Variants in LRPPRC observed in about 807,000 individuals in gnomAD.
LRPPRC encodes the protein leucine-rich PPR motif-containing protein, mitochondrial.
LRPPRC carries 120 observed loss-of-function variants against 180.3 expected under a neutral mutation model. That is an observed-to-expected ratio of 0.67 (90% CI 0.57 to 0.77). LRPPRC has a LOEUF of 0.77. Ranked by LOEUF, LRPPRC falls within the 30% of genes least tolerant of loss-of-function variation. LRPPRC has a pLI of 0.00. For missense variants in LRPPRC, 2,012 were observed against 1,657.2 expected (o/e 1.21, Z -3.72); for synonymous variants, 723 against 600.0 (o/e 1.21, Z -3.00).
chr2:43,981,954 C>A (rs1674327350), intron 2 of LRPPRC, among the ~76,000 whole-genome samples: 1 of 152,066 alleles, frequency 6.6e-6, no homozygotes, highest in Non-Finnish European at 1.5e-5. Context: ...GTCGCCCAGG[C>A]TGGAGTGCAG....
At position 43,979,926 on chromosome 2, in the gene LRPPRC, GGCATGACTA is replaced by G; in HGVS notation, c.360_368del (p.Ser121_Ala123del). On this transcript the variant is annotated inframe_deletion, in exon 3 of 38. Coordinates refer to ENST00000260665, the MANE Select transcript of LRPPRC (RefSeq NM_133259.4). ...AACCACAACTACGTAGTAGAAGCAA[GGCATGACTA>G]CCACCTAGGCCACCTGTGGAAAAAA... 1.2e-6 allele frequency: 2 copies of G among 1,613,834 alleles called. No individual in the cohort carries two copies. The highest frequency in any genetic ancestry group is 1.7e-6 in the Non-Finnish European group (2 of 1,179,840).
At chr2:43,944,727 T>C (rs1016517688) in intron 22 of LRPPRC, among the ~76,000 whole-genome samples, 2 of 151,716 alleles carry the variant, frequency 1.3e-5, no homozygotes, top group African/African-American at 4.8e-5. Flanking sequence ...AACAAGAAAA[T>C]AGTATGAATG....
At chr2:43,977,116 G>A in intron 4 of LRPPRC, 39 bp downstream of exon 4, 8 of 1,607,848 alleles carry the variant, frequency 5.0e-6, no homozygotes, top group Non-Finnish European at 6.8e-6. Context: ...GAAAAAAAAT[G>A]GTGGATGTGA....
chr2:43,949,600 AC>A lies in LRPPRC; in HGVS notation c.1735+1del. On this transcript the variant is annotated splice_donor_variant, in intron 16 of 37. Transcript: ENST00000260665. LOFTEE classifies it high-confidence loss of function. ...TTACAATCATCGAAATTGAAACGCT[AC>A]CCGTCGGTCCTCGAGGCTCCTGGCA... is the stretch of plus-strand genomic sequence containing the variant. 1 of 1,612,696 alleles carries A rather than the reference AC, an allele frequency of 6.2e-7. No homozygotes were observed. The highest frequency in any genetic ancestry group is 2.2e-5 in the East Asian group (1 of 44,868).
chr2:43,947,605 C>T (rs182350208), intron 19 of LRPPRC, 126 bp downstream of exon 19: 11 of 706,386 alleles, frequency 1.6e-5, no homozygotes, highest in Non-Finnish European at 2.8e-5. Context: ...CAGGTTTTAC[C>T]AACTTCTTAG....
chr2:43,993,760 A>G (rs562211031), intron 1 of LRPPRC, among the ~76,000 whole-genome samples: 1 of 152,014 alleles, frequency 6.6e-6, no homozygotes, highest in East Asian at 1.9e-4. Context: ...AACCAGAGAA[A>G]TAAGTAATGA....
At chr2:43,957,698 T>C (rs1024307836) in intron 13 of LRPPRC, among the ~76,000 whole-genome samples, 6 of 152,228 alleles carry the variant, frequency 3.9e-5, no homozygotes, top group African/African-American at 9.6e-5. Context: ...TAAATATCCT[T>C]TCCTATAAAT....
intron 34 of LRPPRC, among the ~76,000 whole-genome samples, chr2:43,897,552 C>T (rs917462377): frequency 3.9e-5 from 6 of 152,064 alleles, no homozygotes; most frequent in South Asian, 2.1e-4. Context: ...TTCTTCGCTA[C>T]GGCAAGAATA....
rs914952121 is a variant in LRPPRC at position 43,959,101 on chromosome 2, T to G, written c.1582+1440A>C. 2.1e-5 allele frequency: 14 copies of G among 651,732 alleles called. No homozygotes were observed. The African/African-American group carries it at 2.4e-4, about 11-fold the overall frequency. 40.4% of individuals were successfully genotyped at this position (651,732 alleles called of 1,614,324 possible). ...AAACAAGCCTGAAAAATCAAGAGGT[T>G]GACAACGAAGTGGAATGGATGATAT... is the stretch of plus-strand genomic sequence containing the variant. On this transcript the variant is annotated intron_variant, in intron 13 of 37. Coordinates refer to ENST00000260665, the MANE Select transcript of LRPPRC (RefSeq NM_133259.4).
At position 43,992,640 on chromosome 2, in the gene LRPPRC, G is replaced by A. The variant is rs115749364; in HGVS notation, c.149+3159C>T. ...AAAGGGATGCATTCCAAATGAAGCA[G>A]ATCTAACAGGGCTTAATCATTTGTG... On this transcript the variant is annotated intron_variant, in intron 1 of 37. Coordinates refer to ENST00000260665, the MANE Select transcript of LRPPRC (RefSeq NM_133259.4). Among the ~76,000 whole-genome samples the A allele has an allele frequency of 9.6e-3, 1,455 of 152,314 alleles. 14 individuals carry two copies. The highest frequency in any genetic ancestry group is 0.014 in the Non-Finnish European group (960 of 68,030).
In LRPPRC at chr2:43,888,564, A is replaced by C. The variant is rs1670353842; in HGVS notation, c.*36T>G. ...CAAAATAACATGTAGACACAGAATC[A>C]CAAATATATACAAAACAAAGTATCG... is the stretch of plus-strand genomic sequence containing the variant. On this transcript the variant is annotated 3_prime_UTR_variant, in exon 38 of 38. Coordinates refer to ENST00000260665, the MANE Select transcript of LRPPRC (RefSeq NM_133259.4). 1 of 1,310,648 alleles carries C rather than the reference A, an allele frequency of 7.6e-7. No homozygotes were observed. The highest frequency in any genetic ancestry group is 1.1e-6 in the Non-Finnish European group (1 of 904,440). The allele number at this position is 1,310,648 out of a possible 1,614,324, so 81.2% of individuals were successfully genotyped here. A position where few individuals can be genotyped will look rare whatever the true frequency, so the allele number is the denominator to read the frequency against.
chr2:43,919,268 GA>G (rs760388964), intron 27 of LRPPRC, among the ~76,000 whole-genome samples: 39 of 152,254 alleles, frequency 2.6e-4, no homozygotes, highest in Non-Finnish European at 4.4e-4. Flanking sequence ...CTGGTCTGTG[GA>G]AAAATTGTCT....
At position 43,994,881 on chromosome 2, in the gene LRPPRC, T is replaced by G. The variant is rs115366172; in HGVS notation, c.149+918A>C. 5.9e-3 allele frequency among the ~76,000 whole-genome samples: 905 copies of G among 152,330 alleles called. 10 individuals carry two copies. The highest frequency in any genetic ancestry group is 0.021 in the African/African-American group (861 of 41,578). ...TTTATTCGCCTATCTGACACCCACT[T>G]AGAGTTTAACTTGCCTTTGCATCCC... is the stretch of plus-strand genomic sequence containing the variant. On this transcript the variant is annotated intron_variant, in intron 1 of 37. Transcript: ENST00000260665.
chr2:43,938,796 C>T (rs372190791), intron 23 of LRPPRC, among the ~76,000 whole-genome samples: 27 of 152,264 alleles, frequency 1.8e-4, no homozygotes, highest in African/African-American at 6.5e-4. Context: ...ACATGTACTC[C>T]TAAAACTCAT....
At chr2:43,901,975 C>G (rs1475813002) in intron 31 of LRPPRC, 3 of 163,050 alleles carry the variant, frequency 1.8e-5, no homozygotes, top group African/African-American at 7.2e-5. Context: ...ACACTAAAAA[C>G]ATTGATCCTC....
chr2:43,927,357 G>A (rs556868454), intron 25 of LRPPRC, among the ~76,000 whole-genome samples: 2 of 152,162 alleles, frequency 1.3e-5, no homozygotes, highest in East Asian at 1.9e-4. Context: ...AGCTTTGGTG[G>A]GATGACAGAA....
At chr2:43,890,566 A>G (rs1391194367) in intron 36 of LRPPRC, among the ~76,000 whole-genome samples, 2 of 152,140 alleles carry the variant, frequency 1.3e-5, no homozygotes, top group African/African-American at 4.8e-5. Flanking sequence ...ACAAAAAATT[A>G]GCCGGGCGTG....
chr2:43,897,563 A>G (rs1014011429), intron 34 of LRPPRC, among the ~76,000 whole-genome samples: 2 of 152,184 alleles, frequency 1.3e-5, no homozygotes, highest in African/African-American at 2.4e-5. Flanking sequence ...GGCAAGAATA[A>G]TCTTTTACTG....
chr2:43,918,832 G>T (rs1398084809), intron 27 of LRPPRC, among the ~76,000 whole-genome samples: 32 of 144,162 alleles, frequency 2.2e-4, no homozygotes, highest in South Asian at 1.5e-3. Flanking sequence ...TCTATATATA[G>T]ATATCTCTAT....
Sources: allele counts gnomAD v4.1 joint callset (sites outside exome capture counted in the v4.1 genomes callset), GRCh38; gene constraint gnomAD v4.1.1; transcripts MANE v1.5; gene names NCBI Gene and HGNC (gene_info 2026-07-23, HGNC 2026-07-21).